EHBP1: variants seen among roughly 807,000 people sequenced by gnomAD.
EHBP1 encodes the protein EH domain binding protein 1, also known as EH domain-binding protein 1.
A neutral mutation model predicts 144.0 loss-of-function variants in EHBP1; 55 were observed. The ratio of observed to expected loss-of-function variants is 0.38; its 90% CI spans 0.31 to 0.48. The LOEUF (loss-of-function observed/expected upper bound fraction) is 0.48, where lower values mean the gene tolerates loss of function less well. EHBP1 is among the 20% of genes least tolerant of loss of function. The probability of loss-of-function intolerance (pLI) is 0.98; values close to 1 mark genes in which losing one functional copy is unlikely to be tolerated. For synonymous variants in EHBP1, 469 were observed against 472.7 expected (o/e 0.99, Z 0.10); for missense variants, 1,200 against 1,364.2 (o/e 0.88, Z 1.90).
intron 5 of EHBP1, among the ~76,000 whole-genome samples, chr2:62,798,378 A>C (rs2043712714): frequency 6.6e-6 from 1 of 151,912 alleles, no homozygotes; most frequent in Admixed American, 6.6e-5. Context: ...AAAAAAAAAA[A>C]GAAAGAAATA....
chr2:62,702,968 AC>A (rs767095837), upstream of EHBP1, among the ~76,000 whole-genome samples: 4 of 152,302 alleles, frequency 2.6e-5, no homozygotes, highest in Non-Finnish European at 5.9e-5. Context: ...TCTTGTGTAC[AC>A]ACCGAACATG....
intron 7 of EHBP1, among the ~76,000 whole-genome samples, chr2:62,853,090 A>T (rs567783352): frequency 6.6e-6 from 1 of 152,168 alleles, no homozygotes; most frequent in African/African-American, 2.4e-5. Flanking sequence ...TCAACTTTTC[A>T]TATATATTTT....
At chr2:63,021,015 GTCTC>G (rs1186323971) in intron 19 of EHBP1, among the ~76,000 whole-genome samples, 6 of 129,320 alleles carry the variant, frequency 4.6e-5, no homozygotes, top group Admixed American at 8.4e-5. Context: ...TTGAGACAAG[GTCTC>G]TCTATGTTGC....
chr2:62,890,386 C>T (rs1444152985), intron 10 of EHBP1, among the ~76,000 whole-genome samples: 1 of 152,076 alleles, frequency 6.6e-6, no homozygotes, highest in Non-Finnish European at 1.5e-5. Context: ...GAATGTTTTT[C>T]CATTTGTTTG....
intron 3 of EHBP1, among the ~76,000 whole-genome samples, chr2:62,760,867 A>C (rs928793969): frequency 1.3e-5 from 2 of 152,182 alleles, no homozygotes; most frequent in African/African-American, 4.8e-5. Flanking sequence ...ATTAGATCTA[A>C]AGATATTTTC....
intron 1 of EHBP1, among the ~76,000 whole-genome samples, chr2:62,677,062 G>T (rs772668119): frequency 7.9e-5 from 12 of 152,170 alleles, no homozygotes; most frequent in Non-Finnish European, 1.2e-4. Flanking sequence ...ACTCGCAGTG[G>T]TCGGGGAGGG....
At chr2:62,828,834 A>T (rs1412913257) in intron 6 of EHBP1, among the ~76,000 whole-genome samples, 1 of 152,182 alleles carries the variant, frequency 6.6e-6, no homozygotes, top group South Asian at 2.1e-4. Context: ...CTTTAATTCC[A>T]TGAAGAAAGT....
At chr2:62,882,236 A>G (rs2051500453) in intron 10 of EHBP1, among the ~76,000 whole-genome samples, 1 of 152,196 alleles carries the variant, frequency 6.6e-6, no homozygotes, top group African/African-American at 2.4e-5. Flanking sequence ...TCAATCTCCA[A>G]GTGTTTGTTT....
intron 1 of EHBP1, among the ~76,000 whole-genome samples, chr2:62,697,243 C>G (rs1023182834): frequency 2.0e-5 from 3 of 152,140 alleles, no homozygotes; most frequent in East Asian, 1.9e-4. Flanking sequence ...TGTCTCTATT[C>G]AGTAAATCAT....
chr2:62,715,214 A>G (rs1011260428), intron 2 of EHBP1, among the ~76,000 whole-genome samples: 6 of 152,128 alleles, frequency 3.9e-5, no homozygotes, highest in Admixed American at 2.6e-4. Flanking sequence ...TCCCGGGTTC[A>G]AGCAATTCTT....
At chr2:62,991,461 G>T (rs557532128) in intron 16 of EHBP1, among the ~76,000 whole-genome samples, 2 of 151,952 alleles carry the variant, frequency 1.3e-5, no homozygotes, top group South Asian at 4.1e-4. Context: ...GAATTCTAGC[G>T]CATTTTTCAA....
chr2:62,901,957 G>A (rs142471543), intron 10 of EHBP1, among the ~76,000 whole-genome samples: 22 of 150,048 alleles, frequency 1.5e-4, no homozygotes, highest in Non-Finnish European at 1.5e-5. Context: ...AGAGTGAAAC[G>A]CTGTCTCAAA....
chr2:62,791,433 T>C (rs1173560035), intron 5 of EHBP1, among the ~76,000 whole-genome samples: 2 of 152,046 alleles, frequency 1.3e-5, no homozygotes, highest in Admixed American at 6.6e-5. Flanking sequence ...CTGCTTCAGA[T>C]CATGTGCTGC....
At chr2:62,697,274 T>C (rs2034133095) in intron 1 of EHBP1, among the ~76,000 whole-genome samples, 1 of 152,250 alleles carries the variant, frequency 6.6e-6, no homozygotes, top group African/African-American at 2.4e-5. Context: ...ATGTAAATAC[T>C]ACAATTCAAA....
chr2:62,920,727 A>G (rs2055006447), intron 10 of EHBP1, among the ~76,000 whole-genome samples: 1 of 151,640 alleles, frequency 6.6e-6, no homozygotes, highest in African/African-American at 2.4e-5. Context: ...CAATGACGTG[A>G]TTTCTGCTCA....
intron 10 of EHBP1, among the ~76,000 whole-genome samples, chr2:62,895,354 G>A (rs1431335941): frequency 6.6e-6 from 1 of 152,008 alleles, no homozygotes; most frequent in South Asian, 2.1e-4. Context: ...GAGCAACAGA[G>A]CCCTCCTATA....
intron 1 of EHBP1, among the ~76,000 whole-genome samples, chr2:62,684,921 GT>G (rs2033668293): frequency 6.6e-6 from 1 of 152,188 alleles, no homozygotes; most frequent in Non-Finnish European, 1.5e-5. Context: ...AGCTCTGGAG[GT>G]TAGAAGTCTG....
Position 62,779,875 on chromosome 2 carries a change from G to A in EHBP1, c.312+8483G>A, listed in dbSNP as rs189360351. 6.6e-5 allele frequency among the ~76,000 whole-genome samples: 10 copies of A among 152,094 alleles called. No homozygotes were observed. The East Asian group carries it at 1.7e-3, about 26-fold the overall frequency. ...TAATATACTAAACCTCTAAGTACAC[G>A]TCTCCCGGCTCAATAATCTTCAGTA... On this transcript the variant is annotated intron_variant, in intron 5 of 22. Coordinates refer to ENST00000431489, the MANE Select transcript of EHBP1 (RefSeq NM_001142616.3).
upstream of EHBP1, among the ~76,000 whole-genome samples, chr2:62,704,944 C>A (rs1037853193): frequency 6.6e-6 from 1 of 152,176 alleles, no homozygotes; most frequent in African/African-American, 2.4e-5. Flanking sequence ...ACAGTTCTCA[C>A]TAGGGGCAAA....
Sources: allele counts gnomAD v4.1 joint callset (sites outside exome capture counted in the v4.1 genomes callset), GRCh38; gene constraint gnomAD v4.1.1; transcripts MANE v1.5; gene names NCBI Gene and HGNC (gene_info 2026-07-23, HGNC 2026-07-21).